COL23A1: variants seen among roughly 807,000 people sequenced by gnomAD.
COL23A1 encodes the protein collagen alpha-1(XXIII) chain.
COL23A1 carries 97 observed loss-of-function variants against 99.3 expected under a neutral mutation model. The observed-to-expected ratio is 0.98, with a 90% CI of 0.83 to 1.16. The LOEUF (loss-of-function observed/expected upper bound fraction) is 1.16, where lower values mean the gene tolerates loss of function less well. COL23A1 is among the 50% of genes most tolerant of loss of function. COL23A1 has a pLI of 0.00. For missense variants in COL23A1, 762 were observed against 757.4 expected (o/e 1.01, Z -0.07); for synonymous variants, 320 against 308.2 (o/e 1.04, Z -0.40).
chr5:178,353,562 G>A (rs1019712454), intron 2 of COL23A1, among the ~76,000 whole-genome samples: 1 of 152,212 alleles, frequency 6.6e-6, no homozygotes, highest in Non-Finnish European at 1.5e-5. Context: ...GTTTCTCTGA[G>A]ACATACCCAA....
At chr5:178,288,415 G>T in intron 4 of COL23A1, 65 bp from the exon 5 acceptor site, 1 of 1,396,704 alleles carries the variant, frequency 7.2e-7, no homozygotes, top group Non-Finnish European at 1.0e-6. Context: ...AACACTTAGA[G>T]CTCAATCAGG....
chr5:178,556,075 A>G (rs1762256079), intron 2 of COL23A1, among the ~76,000 whole-genome samples: 1 of 152,206 alleles, frequency 6.6e-6, no homozygotes, highest in Non-Finnish European at 1.5e-5. Flanking sequence ...CTGTCTGAAT[A>G]ACACAGGGTC....
chr5:178,465,883 G>T (rs1041677950), intron 2 of COL23A1, among the ~76,000 whole-genome samples: 1 of 152,164 alleles, frequency 6.6e-6, no homozygotes, highest in Non-Finnish European at 1.5e-5. Context: ...GTGTGGACTC[G>T]CCGCTTGCCT....
intron 3 of COL23A1, among the ~76,000 whole-genome samples, chr5:178,292,793 G>T (rs1160280309): frequency 6.6e-6 from 1 of 152,212 alleles, no homozygotes; most frequent in Non-Finnish European, 1.5e-5. Flanking sequence ...CAGAGGTGGG[G>T]AGATAGTAGT....
intron 3 of COL23A1, among the ~76,000 whole-genome samples, chr5:178,291,868 C>T (rs72819073): frequency 0.019 from 2,902 of 152,008 alleles, 36 homozygotes; most frequent in Middle Eastern, 0.034. Context: ...GTACTCACAC[C>T]CCAGAATGAT....
chr5:178,495,603 C>T (rs893952519), intron 2 of COL23A1, among the ~76,000 whole-genome samples: 1 of 152,050 alleles, frequency 6.6e-6, no homozygotes, highest in African/African-American at 2.4e-5. Context: ...AAGGAATTTG[C>T]TAGCCTCAGA....
intron 2 of COL23A1, chr5:178,438,849 C>T (rs986586374): frequency 1.3e-5 from 2 of 152,170 alleles, no homozygotes; most frequent in Non-Finnish European, 2.9e-5. Context: ...AAGCAGCAGT[C>T]CCCAAACGTG....
rs148205857 is a variant in COL23A1, at chr5:178,324,913, C to T, written c.362-17994G>A. Reference sequence around the variant, plus strand: ...CAGTTCCTGCCCACCCCTCCAGATCCGAGTGGCAGCAAAGCCGAGCTTCTA... The same window carrying T: ...CAGTTCCTGCCCACCCCTCCAGATCTGAGTGGCAGCAAAGCCGAGCTTCTA... On this transcript the variant is annotated intron_variant, in intron 2 of 28. Coordinates refer to ENST00000390654, the MANE Select transcript of COL23A1 (RefSeq NM_173465.4). Among the ~76,000 whole-genome samples the T allele has an allele frequency of 3.7e-3, 563 of 152,292 alleles. 2 individuals carry two copies. The highest frequency in any genetic ancestry group is 0.013 in the African/African-American group (535 of 41,572).
chr5:178,433,307 C>T (rs1462720904), intron 2 of COL23A1, among the ~76,000 whole-genome samples: 1 of 152,096 alleles, frequency 6.6e-6, no homozygotes, highest in African/African-American at 2.4e-5. Flanking sequence ...ATCCTACTTA[C>T]ATTTACCAGC....
At chr5:178,304,917 C>G (rs1310627817) in intron 3 of COL23A1, among the ~76,000 whole-genome samples, 5 of 152,170 alleles carry the variant, frequency 3.3e-5, no homozygotes, top group Non-Finnish European at 7.4e-5. Context: ...GGGCCACGGA[C>G]CCAGTGAGTC....
At chr5:178,575,334 G>A (rs1375822328) in intron 1 of COL23A1, among the ~76,000 whole-genome samples, 3 of 152,092 alleles carry the variant, frequency 2.0e-5, no homozygotes, top group South Asian at 2.1e-4. Context: ...CTACAGCTTC[G>A]CTCGTGTAGG....
intron 23 of COL23A1, 40 bp downstream of exon 23, chr5:178,246,351 A>T: frequency 6.4e-7 from 1 of 1,563,712 alleles, no homozygotes; most frequent in Non-Finnish European, 8.7e-7. Flanking sequence ...TAGTGACAGG[A>T]ATTAACACCT....
intron 2 of COL23A1, among the ~76,000 whole-genome samples, chr5:178,432,090 G>A (rs967709723): frequency 6.6e-6 from 1 of 152,182 alleles, no homozygotes; most frequent in South Asian, 2.1e-4. Context: ...GTAAGGTCTT[G>A]GAATAAAATC....
chr5:178,311,272 T>TG (rs1758654796), intron 2 of COL23A1, among the ~76,000 whole-genome samples: 1 of 152,106 alleles, frequency 6.6e-6, no homozygotes, highest in Non-Finnish European at 1.5e-5. Context: ...TCAACCTCAT[T>TG]GAACCTTAGA....
At position 178,498,229 on chromosome 5, in the gene COL23A1, T is replaced by C. The variant is rs7702936; in HGVS notation, c.361+62453A>G. On this transcript the variant is annotated intron_variant, in intron 2 of 28. Transcript: ENST00000390654. Reference sequence around the variant, plus strand: ...AAATATATATATATATATATATATATATATATATATATATATATATATATA... The same window carrying C: ...AAATATATATATATATATATATATACATATATATATATATATATATATATA... Among the ~76,000 whole-genome samples the C allele has an allele frequency of 7.5e-4, 49 of 65,102 alleles. 4 individuals are homozygous for C. Among genetic ancestry groups the C allele is most frequent in the African/African-American group, 3.7e-3 (49 of 13,268 alleles). The allele number at this position is 65,102 out of a possible 152,430, so 42.7% of individuals were successfully genotyped here.
chr5:178,498,223 T>C lies in COL23A1; in HGVS notation c.361+62459A>G, dbSNP rs62391084. Among the ~76,000 whole-genome samples the C allele has an allele frequency of 2.7e-4, 13 of 47,614 alleles. No homozygotes were observed. In the South Asian group the frequency reaches 0.012, roughly 43 times the overall value. The allele number at this position is 47,614 out of a possible 152,430, so 31.2% of individuals were successfully genotyped here. On this transcript the variant is annotated intron_variant, in intron 2 of 28. Coordinates refer to ENST00000390654, the MANE Select transcript of COL23A1 (RefSeq NM_173465.4). Reference sequence around the variant, plus strand: ...TTATTTAAATATATATATATATATATATATATATATATATATATATATATA... The same window carrying C: ...TTATTTAAATATATATATATATATACATATATATATATATATATATATATA...
At position 178,255,147 on chromosome 5, in the gene COL23A1, T is replaced by A. The variant is rs1765235785; in HGVS notation, c.883-121A>T. 1 of 794,728 alleles carries A rather than the reference T, an allele frequency of 1.3e-6. No individual in the cohort carries two copies. The highest frequency in any genetic ancestry group is 2.1e-6 in the Non-Finnish European group (1 of 470,108). The allele number at this position is 794,728 out of a possible 1,614,324, so 49.2% of individuals were successfully genotyped here. ...AATGGAAGAGCCTCGTCACCCAGGC[T>A]GCACGCATGCCCCTCCCCAGGGTGG... On this transcript the variant is annotated intron_variant, in intron 15 of 28. Coordinates refer to ENST00000390654, the MANE Select transcript of COL23A1 (RefSeq NM_173465.4). The surrounding 1 kb of genome is among the most constrained non-coding windows in gnomAD (Gnocchi z 4.2).
chr5:178,271,209 G>T (rs950020291), intron 5 of COL23A1, among the ~76,000 whole-genome samples: 2 of 152,136 alleles, frequency 1.3e-5, no homozygotes, highest in Non-Finnish European at 1.5e-5. Flanking sequence ...GTGTGGGAGT[G>T]GGGAGGAATC....
chr5:178,382,551 G>C (rs953867586), intron 2 of COL23A1, among the ~76,000 whole-genome samples: 1 of 152,154 alleles, frequency 6.6e-6, no homozygotes, highest in African/African-American at 2.4e-5. Context: ...AGGGTGAACC[G>C]ATACCCCACC....
Sources: gnomAD v4.1 joint callset for allele counts (sites outside exome capture counted in the v4.1 genomes callset) on GRCh38, gnomAD v4.1.1 for gene constraint, Gnocchi (gnomAD v3.1) non-coding constraint, MANE v1.5 for transcripts, NCBI Gene and HGNC (gene_info 2026-07-23, HGNC 2026-07-21) for gene names.